CTNNBL1: variants seen among roughly 807,000 people sequenced by gnomAD.
CTNNBL1 encodes catenin beta like 1, also known as beta-catenin-like protein 1.
In CTNNBL1, 31 loss-of-function variants were observed where a neutral mutation model predicts 72.7. The ratio of observed to expected loss-of-function variants is 0.43; its 90% CI spans 0.32 to 0.58. CTNNBL1 has a LOEUF of 0.58. Among genes scored for constraint, CTNNBL1 ranks in the 20% least tolerant of loss-of-function variants. CTNNBL1 has a pLI of 0.08. For synonymous variants in CTNNBL1, 240 were observed against 267.3 expected (o/e 0.90, Z 1.00); for missense variants, 534 against 725.1 (o/e 0.74, Z 3.03).
chr20:37,842,814 T>C (rs2072315952), intron 13 of CTNNBL1, among the ~76,000 whole-genome samples: 1 of 152,202 alleles, frequency 6.6e-6, no homozygotes, highest in Non-Finnish European at 1.5e-5. Context: ...GATCACAGCG[T>C]AGAGGAGCTG....
chr20:37,818,884 G>A (rs1201875719), intron 11 of CTNNBL1, among the ~76,000 whole-genome samples: 1 of 152,178 alleles, frequency 6.6e-6, no homozygotes, highest in Non-Finnish European at 1.5e-5. Flanking sequence ...CTAGCTTTGT[G>A]TAACTGCCCA....
At position 37,845,987 on chromosome 20, in the gene CTNNBL1, C is replaced by A. The variant is rs2072343719; in HGVS notation, c.1392+3568C>A. ...TGCACGTGCCCATGGTTTGCAGTTGCCCAGGTCACTGGAGAGAATCTAGTC... is the reference window on the plus strand; with the variant it reads ...TGCACGTGCCCATGGTTTGCAGTTGACCAGGTCACTGGAGAGAATCTAGTC... On this transcript the variant is annotated intron_variant, in intron 13 of 15. Coordinates refer to ENST00000361383, the MANE Select transcript of CTNNBL1 (RefSeq NM_030877.5). 2.0e-5 allele frequency among the ~76,000 whole-genome samples: 3 copies of A among 152,148 alleles called. No individual in the cohort carries two copies. In the South Asian group the frequency reaches 6.2e-4, roughly 32 times the overall value.
chr20:37,755,075 A>C (rs2073352333), intron 4 of CTNNBL1, among the ~76,000 whole-genome samples: 1 of 152,118 alleles, frequency 6.6e-6, no homozygotes, highest in Admixed American at 6.6e-5. Flanking sequence ...CCAAAGTGCT[A>C]GAATTATAGG....
chr20:37,828,105 C>T (rs551386179), intron 11 of CTNNBL1, among the ~76,000 whole-genome samples: 13 of 152,242 alleles, frequency 8.5e-5, no homozygotes, highest in South Asian at 4.2e-4. Context: ...GCTAACTTAC[C>T]ACGGTGGTTT....
At chr20:37,737,554 G>A in intron 3 of CTNNBL1, 70 bp downstream of exon 3, 1 of 1,087,218 alleles carries the variant, frequency 9.2e-7, no homozygotes, top group Non-Finnish European at 1.3e-6. Context: ...TTTTGATTTT[G>A]GTTTGTTTTG....
intron 10 of CTNNBL1, among the ~76,000 whole-genome samples, chr20:37,781,991 C>T (rs767280344): frequency 6.6e-6 from 1 of 152,120 alleles, no homozygotes; most frequent in Non-Finnish European, 1.5e-5. Flanking sequence ...ACCTTTGTGA[C>T]CTTCTCACCC....
intron 15 of CTNNBL1, among the ~76,000 whole-genome samples, chr20:37,867,938 G>C (rs2072549974): frequency 6.6e-6 from 1 of 152,178 alleles, no homozygotes; most frequent in African/African-American, 2.4e-5. Context: ...TGAGCACTAG[G>C]CCAGTGGATG....
chr20:37,757,802 A>C (rs1048158925), intron 5 of CTNNBL1, 146 bp downstream of exon 5: 79 of 616,282 alleles, frequency 1.3e-4, no homozygotes, highest in Admixed American at 2.8e-4. Flanking sequence ...AGAGTAAAAA[A>C]GTAGAGATGT....
At chr20:37,838,694 C>T (rs969879550) in intron 11 of CTNNBL1, among the ~76,000 whole-genome samples, 1 of 152,132 alleles carries the variant, frequency 6.6e-6, no homozygotes, top group African/African-American at 2.4e-5. Context: ...TCAACACCAA[C>T]CTGGGTAACA....
At chr20:37,815,766 A>T (rs55674973) in intron 11 of CTNNBL1, among the ~76,000 whole-genome samples, 120 of 152,338 alleles carry the variant, frequency 7.9e-4, no homozygotes, top group African/African-American at 2.6e-3. Context: ...GTATTTTTTT[A>T]AAATGTGTGA....
intron 1 of CTNNBL1, among the ~76,000 whole-genome samples, chr20:37,721,904 T>C (rs2073043401): frequency 6.6e-6 from 1 of 152,244 alleles, no homozygotes; most frequent in African/African-American, 2.4e-5. Flanking sequence ...AATATATGCA[T>C]CAGTGGTATC....
chr20:37,806,262 T>A (rs111538427), intron 11 of CTNNBL1, among the ~76,000 whole-genome samples: 1 of 152,216 alleles, frequency 6.6e-6, no homozygotes, highest in Non-Finnish European at 1.5e-5. Context: ...GGTGGAACAC[T>A]GAGGCCTGGG....
intron 11 of CTNNBL1, among the ~76,000 whole-genome samples, chr20:37,803,918 A>T (rs949297460): frequency 1.3e-5 from 2 of 151,690 alleles, no homozygotes; most frequent in African/African-American, 2.4e-5. Context: ...GATCTTTTGC[A>T]TTCCTCATCC....
Position 37,805,031 on chromosome 20 carries a change from C to T in CTNNBL1, c.1213+1983C>T, listed in dbSNP as rs553426370. 3.3e-5 allele frequency among the ~76,000 whole-genome samples: 5 copies of T among 152,356 alleles called. No homozygotes were observed. The South Asian group carries it at 1.0e-3, about 32-fold the overall frequency. On this transcript the variant is annotated intron_variant, in intron 11 of 15. Coordinates refer to ENST00000361383, the MANE Select transcript of CTNNBL1 (RefSeq NM_030877.5). ...ACTCCAAGGAGAAAGCACAGCCCTC[C>T]ACTCCTGCCACCCCTGCCAGCTGCT...
intron 11 of CTNNBL1, among the ~76,000 whole-genome samples, chr20:37,834,682 C>G (rs562044472): frequency 6.6e-6 from 1 of 152,244 alleles, no homozygotes; most frequent in East Asian, 1.9e-4. Flanking sequence ...TGGAATCAGG[C>G]GACTTAGATT....
At chr20:37,785,836 AT>A (rs1357644803) in intron 10 of CTNNBL1, among the ~76,000 whole-genome samples, 3 of 152,034 alleles carry the variant, frequency 2.0e-5, no homozygotes, top group Non-Finnish European at 4.4e-5. Context: ...AGAGTTAGGT[AT>A]TTATTGTAGT....
At chr20:37,761,012 A>G (rs914063399) in intron 5 of CTNNBL1, among the ~76,000 whole-genome samples, 1 of 151,992 alleles carries the variant, frequency 6.6e-6, no homozygotes, top group Non-Finnish European at 1.5e-5. Flanking sequence ...AGGAAGAAGT[A>G]AGTAATGATA....
intron 4 of CTNNBL1, among the ~76,000 whole-genome samples, chr20:37,754,179 G>A (rs567628129): frequency 1.3e-5 from 2 of 152,008 alleles, no homozygotes; most frequent in South Asian, 2.1e-4. Flanking sequence ...AATCATGCAT[G>A]GTGTTATTCA....
In CTNNBL1 at chr20:37,723,501, G is replaced by T. The variant is rs6125991; in HGVS notation, c.31-9378G>T. 2.8e-3 allele frequency among the ~76,000 whole-genome samples: 430 copies of T among 152,168 alleles called. 4 individuals carry two copies. The highest frequency in any genetic ancestry group is 0.017 in the East Asian group (89 of 5,182). ...ACTCTGCTTTGGGATTTTGAGGAGC[G>T]CTTGATATCTTTTTTTTCCTCCAGA... On this transcript the variant is annotated intron_variant, in intron 1 of 15. Transcript: ENST00000361383.
Sources: allele counts gnomAD v4.1 joint callset (sites outside exome capture counted in the v4.1 genomes callset), GRCh38; gene constraint gnomAD v4.1.1; transcripts MANE v1.5; gene names NCBI Gene and HGNC (gene_info 2026-07-23, HGNC 2026-07-21).